Variants in RALGAPA1 observed in about 807,000 individuals in gnomAD.
RALGAPA1 encodes ral GTPase-activating protein subunit alpha-1.
A neutral mutation model predicts 269.6 loss-of-function variants in RALGAPA1; 52 were observed. That is an observed-to-expected ratio of 0.19 (90% confidence interval 0.15 to 0.24). RALGAPA1 has a LOEUF of 0.24. Ranked by LOEUF, RALGAPA1 falls within the 10% of genes least tolerant of loss-of-function variation. RALGAPA1 has a pLI of 1.00. For missense variants in RALGAPA1, 1,917 were observed against 3,013.9 expected (o/e 0.64, Z 8.52); for synonymous variants, 817 against 1,008.3 (o/e 0.81, Z 3.60).
intron 35 of RALGAPA1, among the ~76,000 whole-genome samples, chr14:35,613,384 A>G (rs748824612): frequency 2.6e-5 from 4 of 152,182 alleles, no homozygotes; most frequent in Non-Finnish European, 5.9e-5. Context: ...GCCCAGTCAC[A>G]TAACCCAATT....
chr14:35,738,584 C>T lies in RALGAPA1; in HGVS notation c.1516G>A (p.Gly506Ser). The T allele has an allele frequency of 6.2e-7, 1 of 1,613,578 alleles. No individual in the cohort carries two copies. Residue 506 changes from glycine (G) to serine (S), a missense_variant, in exon 12 of 42, where the codon GGT becomes AGT. This residue lies in a region of RALGAPA1 where 462 missense variants were observed against 725.6 expected (regional missense o/e 0.64). Coordinates refer to ENST00000680220, the MANE Select transcript of RALGAPA1 (RefSeq NM_001346249.2). ...SSWAKNGSYQGALHNASEEAT... is the reference protein window; with the variant it reads ...SSWAKNGSYQSALHNASEEAT... The stretch of plus-strand genomic sequence containing the variant: ...TCTTCAGAGGCGTTATGAAGAGCAC[C>T]TTGGTAGGAGCCGTTTTTTGCCCAA...
At chr14:35,578,352 A>G (rs1362549507) in intron 37 of RALGAPA1, among the ~76,000 whole-genome samples, 1 of 148,918 alleles carries the variant, frequency 6.7e-6, no homozygotes, top group Non-Finnish European at 1.5e-5. Context: ...TTCAGGAGAT[A>G]GGGGTATACG....
At chr14:35,606,002 A>C (rs1199206626) in intron 35 of RALGAPA1, among the ~76,000 whole-genome samples, 1 of 152,260 alleles carries the variant, frequency 6.6e-6, no homozygotes, top group Non-Finnish European at 1.5e-5. Context: ...GAGAAAGAGC[A>C]TCAGGAAGGA....
At chr14:35,802,028 G>T (rs2077013047) in intron 1 of RALGAPA1, among the ~76,000 whole-genome samples, 2 of 152,184 alleles carry the variant, frequency 1.3e-5, no homozygotes, top group South Asian at 4.1e-4. Flanking sequence ...TAACAGAACT[G>T]GCTGGGTGCT....
chr14:35,721,689 G>A lies in RALGAPA1; in HGVS notation c.2265C>T (p.Val755=), dbSNP rs147038988. 6.3e-5 allele frequency: 101 copies of A among 1,612,242 alleles called. No homozygotes were observed. The highest frequency in any genetic ancestry group is 1.1e-4 in the African/African-American group (8 of 74,944). ...CTCATGATTTTCAAGAGTACATACC[G>A]ACAGTTTTTTGCCGTACTATACTCC... ...KARSIVRQKT[V]AMRSRSIGEC... Residue 755 remains valine, a splice_region_variant and synonymous_variant, in exon 16 of 42, where the codon GTC becomes GTT. Transcript: ENST00000680220.
At chr14:35,583,836 A>G (rs184346499) in intron 37 of RALGAPA1, among the ~76,000 whole-genome samples, 1 of 152,326 alleles carries the variant, frequency 6.6e-6, no homozygotes, top group East Asian at 1.9e-4. Flanking sequence ...AATACCACAC[A>G]CCTAGAATTC....
intron 35 of RALGAPA1, among the ~76,000 whole-genome samples, chr14:35,609,487 G>A (rs528165225): frequency 5.1e-4 from 78 of 152,074 alleles, no homozygotes; most frequent in Non-Finnish European, 9.9e-4. Context: ...GAGAATGAAT[G>A]AAAATATGGC....
intron 27 of RALGAPA1, among the ~76,000 whole-genome samples, chr14:35,659,543 A>C (rs2063406134): frequency 1.3e-5 from 2 of 152,086 alleles, no homozygotes; most frequent in African/African-American, 4.8e-5. Context: ...AAAATATTTC[A>C]AATAAAGAAT....
chr14:35,685,175 A>C (rs1232986764), intron 19 of RALGAPA1, 30 bp from the exon 20 acceptor site: 2 of 1,533,286 alleles, frequency 1.3e-6, no homozygotes, highest in Admixed American at 4.1e-5. Context: ...TTTACCATTA[A>C]GAAAAAGCTT....
At chr14:35,605,740 A>C (rs1315327696) in intron 35 of RALGAPA1, 31 bp from the exon 36 acceptor site, 4 of 1,596,758 alleles carry the variant, frequency 2.5e-6, no homozygotes, top group Non-Finnish European at 2.6e-6. Flanking sequence ...CCATTAATTT[A>C]ATCACTATTT....
At chr14:35,676,575 A>C (rs10145938) in intron 22 of RALGAPA1, 17,180 of 152,238 alleles carry the variant, frequency 0.11, 1,615 homozygotes, top group East Asian at 0.37. Flanking sequence ...TATTGGGACA[A>C]TTGAGGACTT....
chr14:35,746,922 A>C (rs1172878627), intron 10 of RALGAPA1, among the ~76,000 whole-genome samples: 5 of 151,940 alleles, frequency 3.3e-5, no homozygotes, highest in African/African-American at 9.7e-5. Flanking sequence ...CTGGGGGGAA[A>C]AGATAGAAAA....
At chr14:35,673,666 C>T (rs755873681) in intron 24 of RALGAPA1, among the ~76,000 whole-genome samples, 2 of 152,086 alleles carry the variant, frequency 1.3e-5, no homozygotes, top group Non-Finnish European at 2.9e-5. Flanking sequence ...CTGCAACCTC[C>T]GCCTCCTATG....
intron 31 of RALGAPA1, among the ~76,000 whole-genome samples, chr14:35,643,187 TG>T (rs1761777394): frequency 9.6e-6 from 1 of 104,666 alleles, no homozygotes; most frequent in Non-Finnish European, 1.9e-5. Flanking sequence ...TTTCGAGGGG[TG>T]GGGGGAGGCG....
At chr14:35,629,280 GGGGTGT>G (rs796888012) in intron 33 of RALGAPA1, among the ~76,000 whole-genome samples, 3,315 of 75,752 alleles carry the variant, frequency 0.044, 117 homozygotes, top group South Asian at 0.24. Context: ...GGATGTTTAG[GGGGTGT>G]GTGTGTGTGT....
intron 1 of RALGAPA1, among the ~76,000 whole-genome samples, chr14:35,796,996 C>A (rs1362625927): frequency 6.6e-6 from 1 of 151,994 alleles, no homozygotes; most frequent in Non-Finnish European, 1.5e-5. Flanking sequence ...ACCGTGTTAG[C>A]CAGGATGGTC....
intron 1 of RALGAPA1, among the ~76,000 whole-genome samples, chr14:35,791,116 A>T (rs1270474241): frequency 6.6e-6 from 1 of 152,116 alleles, no homozygotes; most frequent in Non-Finnish European, 1.5e-5. Context: ...AAACAAGAAG[A>T]ATTTTCAGAT....
chr14:35,709,411 T>A (rs1262648903), intron 16 of RALGAPA1, among the ~76,000 whole-genome samples: 1 of 151,322 alleles, frequency 6.6e-6, no homozygotes, highest in Non-Finnish European at 1.5e-5. Flanking sequence ...CTGGTAATGG[T>A]TCTTCTTTCA....
chr14:35,540,484 G>A (rs1221654000), intron 41 of RALGAPA1, among the ~76,000 whole-genome samples: 4 of 152,108 alleles, frequency 2.6e-5, no homozygotes, highest in Non-Finnish European at 5.9e-5. Flanking sequence ...AAATAGGAAA[G>A]TTCTTTGTGT....
Sources: gnomAD v4.1 joint callset for allele counts (sites outside exome capture counted in the v4.1 genomes callset) on GRCh38, gnomAD v4.1.1 for gene constraint, gnomAD v4.1.1 regional missense constraint, MANE v1.5 for transcripts, NCBI Gene and HGNC (gene_info 2026-07-23, HGNC 2026-07-21) for gene names.